DDC: variants seen among roughly 807,000 people sequenced by gnomAD.
DDC encodes aromatic-L-amino-acid decarboxylase.
In DDC, 43 loss-of-function variants were observed where a neutral mutation model predicts 60.0. That is an observed-to-expected ratio of 0.72 (90% confidence interval 0.56 to 0.92). The LOEUF is 0.92. Among genes scored for constraint, DDC ranks in the 40% least tolerant of loss-of-function variants. The probability of loss-of-function intolerance (pLI) is 0.00; values close to 1 mark genes in which losing one functional copy is unlikely to be tolerated. For synonymous variants in DDC, 232 were observed against 234.6 expected (o/e 0.99, Z 0.10); for missense variants, 573 against 620.2 (o/e 0.92, Z 0.81).
At chr7:50,468,056 C>G (rs730092) in intron 12 of DDC, among the ~76,000 whole-genome samples, 76,046 of 152,284 alleles carry the variant, frequency 0.5, 19,680 homozygotes, top group Admixed American at 0.6. Flanking sequence ...GGCGTAGGCC[C>G]GTGCCTTGCT....
At chr7:50,535,089 C>CCT (rs1401806747) in intron 4 of DDC, among the ~76,000 whole-genome samples, 3 of 152,038 alleles carry the variant, frequency 2.0e-5, no homozygotes, top group African/African-American at 4.8e-5. Flanking sequence ...GTTGCTGCTA[C>CCT]GTAGAATGGT....
At chr7:50,510,892 G>A (rs563718983) in intron 6 of DDC, among the ~76,000 whole-genome samples, 8 of 147,478 alleles carry the variant, frequency 5.4e-5, no homozygotes, top group South Asian at 2.2e-4. Context: ...GAGGCAGGAG[G>A]ATGGCATGAA....
chr7:50,549,943 C>T (rs1013112878), intron 1 of DDC, among the ~76,000 whole-genome samples: 1 of 152,182 alleles, frequency 6.6e-6, no homozygotes, highest in African/African-American at 2.4e-5. Flanking sequence ...GTTGAAGAGG[C>T]TGTGAGTATT....
chr7:50,558,550 G>T (rs2045256282), intron 1 of DDC, among the ~76,000 whole-genome samples: 1 of 152,170 alleles, frequency 6.6e-6, no homozygotes, highest in African/African-American at 2.4e-5. Context: ...AAACAAATCA[G>T]CAGTGCTCAA....
At chr7:50,514,233 T>C (rs1397097788) in intron 6 of DDC, among the ~76,000 whole-genome samples, 2 of 151,972 alleles carry the variant, frequency 1.3e-5, no homozygotes, top group Non-Finnish European at 2.9e-5. Flanking sequence ...GAGACAACAA[T>C]CACTGCAGTT....
At chr7:50,510,416 C>A (rs2043522550) in intron 6 of DDC, among the ~76,000 whole-genome samples, 1 of 152,066 alleles carries the variant, frequency 6.6e-6, no homozygotes, top group African/African-American at 2.4e-5. Context: ...TGCCTATAAT[C>A]CCAGCACTTT....
At position 50,462,226 on chromosome 7, in the gene DDC, CAAAAAAAAAAAA is replaced by C. The variant is rs11410259; in HGVS notation, c.*18+975_*18+986del. On this transcript the variant is annotated intron_variant, in intron 14 of 14. Transcript: ENST00000444124. ...TCTTCCACCAAATGGGACAAAAAGA[CAAAAAAAAAAAA>C]AAAAAAAAAAGAAAATAAACAGAAA... Among the ~76,000 whole-genome samples the C allele has an allele frequency of 8.0e-5, 6 of 75,364 alleles. No homozygotes were observed. In the East Asian group the frequency reaches 2.2e-3, roughly 28 times the overall value. 49.4% of individuals were successfully genotyped at this position (75,364 alleles called of 152,430 possible). A position where few individuals can be genotyped will look rare whatever the true frequency, so the allele number is the denominator to read the frequency against.
intron 2 of DDC, chr7:50,543,591 C>T (rs1307796764): frequency 2.0e-5 from 9 of 445,440 alleles, no homozygotes; most frequent in East Asian, 5.0e-5. Context: ...CTCTATGTAC[C>T]GAGTGTCTCT....
chr7:50,487,244 T>C (rs1055930813), intron 9 of DDC, among the ~76,000 whole-genome samples: 2 of 152,256 alleles, frequency 1.3e-5, no homozygotes, highest in East Asian at 1.9e-4. Flanking sequence ...GTTCATATAG[T>C]TTTAGTAATC....
intron 11 of DDC, among the ~76,000 whole-genome samples, chr7:50,471,428 C>T (rs539293665): frequency 6.6e-6 from 1 of 152,196 alleles, no homozygotes; most frequent in African/African-American, 2.4e-5. Context: ...GAACAGGTGG[C>T]AACTGCTTCT....
intron 9 of DDC, among the ~76,000 whole-genome samples, chr7:50,482,743 T>G (rs2153536774): frequency 6.6e-6 from 1 of 152,360 alleles, no homozygotes; most frequent in East Asian, 1.9e-4. Context: ...CATATAAATC[T>G]GAACAGGTTT....
chr7:50,532,683 T>C (rs2044255731), intron 4 of DDC, among the ~76,000 whole-genome samples: 1 of 152,260 alleles, frequency 6.6e-6, no homozygotes, highest in Admixed American at 6.5e-5. Context: ...AGCTCATAAT[T>C]GCTATTCAAT....
chr7:50,551,819 C>T (rs2045005080), intron 1 of DDC, among the ~76,000 whole-genome samples: 1 of 152,150 alleles, frequency 6.6e-6, no homozygotes, highest in South Asian at 2.1e-4. Flanking sequence ...ATCTTTTCTT[C>T]AGGACTTGTA....
chr7:50,463,467 C>G (rs1251870862), intron 13 of DDC, 36 bp from the exon 14 acceptor site: 7 of 1,569,736 alleles, frequency 4.5e-6, no homozygotes, highest in Non-Finnish European at 6.1e-6. Flanking sequence ...GTGCTCAGGT[C>G]TCTGAGGACT....
At chr7:50,474,262 C>T (rs188262640) in intron 11 of DDC, among the ~76,000 whole-genome samples, 1 of 152,324 alleles carries the variant, frequency 6.6e-6, no homozygotes, top group African/African-American at 2.4e-5. Flanking sequence ...CCTATCAAGG[C>T]AGGGTGAATG....
At chr7:50,461,958 C>A (rs999800965) in intron 14 of DDC, among the ~76,000 whole-genome samples, 1 of 152,148 alleles carries the variant, frequency 6.6e-6, no homozygotes, top group Non-Finnish European at 1.5e-5. Flanking sequence ...CTTTCAGGAG[C>A]CATGGACAGG....
intron 6 of DDC, among the ~76,000 whole-genome samples, chr7:50,516,255 G>A (rs1988550): frequency 0.1 from 15,740 of 152,134 alleles, 1,051 homozygotes; most frequent in South Asian, 0.14. Context: ...AATAAAACTG[G>A]AAATTATCTC....
chr7:50,528,383 C>T (rs2044100690), intron 5 of DDC, 103 bp from the exon 6 acceptor site: 1 of 1,445,072 alleles, frequency 6.9e-7, no homozygotes, highest in Non-Finnish European at 9.7e-7. Flanking sequence ...ACACAAGGTC[C>T]CTCTTAACGG....
rs1039563404 is a variant in DDC, at chr7:50,460,640, G to A, written c.*19-1797C>T. On this transcript the variant is annotated intron_variant, in intron 14 of 14. Coordinates refer to ENST00000444124, the MANE Select transcript of DDC (RefSeq NM_001082971.2). The stretch of plus-strand genomic sequence containing the variant: ...AAGGCGGGGAAAGGATTGAGAAATC[G>A]GATGGTTGCCATGTCTGTGTAGAAA... Among the ~76,000 whole-genome samples, 6 of 151,622 alleles carry A rather than the reference G, an allele frequency of 4.0e-5. 1 individual carries two copies. The highest frequency in any genetic ancestry group is 1.9e-4 in the East Asian group (1 of 5,200).
Sources: gnomAD v4.1 joint callset for allele counts (sites outside exome capture counted in the v4.1 genomes callset) on GRCh38, gnomAD v4.1.1 for gene constraint, MANE v1.5 for transcripts, NCBI Gene and HGNC (gene_info 2026-07-23, HGNC 2026-07-21) for gene names.